GNAO1: variants seen among roughly 807,000 people sequenced by gnomAD.
GNAO1 encodes G protein subunit alpha o1.
For synonymous variants in GNAO1, 164 were observed against 180.7 expected (o/e 0.91, Z 0.74); for missense variants, 166 against 478.7 (o/e 0.35, Z 6.10).
At chr16:56,288,342 G>A (rs1385948101) in intron 3 of GNAO1, among the ~76,000 whole-genome samples, 1 of 152,208 alleles carries the variant, frequency 6.6e-6, no homozygotes, top group Non-Finnish European at 1.5e-5. Flanking sequence ...TGCTGAGGAC[G>A]GGGTATCTGA....
At chr16:56,193,210 CA>C (rs1218665634) in intron 2 of GNAO1, 1 of 153,794 alleles carries the variant, frequency 6.5e-6, no homozygotes, top group Non-Finnish European at 1.4e-5. Context: ...CCCTCCCCCG[CA>C]AAAAAAGAGG....
At chr16:56,274,371 C>T (rs1421003828) in intron 2 of GNAO1, among the ~76,000 whole-genome samples, 1 of 152,210 alleles carries the variant, frequency 6.6e-6, no homozygotes, top group African/African-American at 2.4e-5. Context: ...TATGTACTCC[C>T]TCAAGATACT....
At chr16:56,258,240 T>G (rs2143475852) in intron 2 of GNAO1, among the ~76,000 whole-genome samples, 1 of 152,308 alleles carries the variant, frequency 6.6e-6, no homozygotes, top group East Asian at 1.9e-4. Flanking sequence ...GGGTTCTGTT[T>G]TAGCTCCCAG....
chr16:56,232,521 A>C lies in GNAO1; in HGVS notation c.161+39905A>C, dbSNP rs1185828380. ...ACTTTAGCATATTAAAGCCTCTGAG[A>C]AGTTCTATAATTAACAAAAATCCAA... On this transcript the variant is annotated intron_variant, in intron 2 of 8. Coordinates refer to ENST00000262493, the MANE Select transcript of GNAO1 (RefSeq NM_020988.3). Among the ~76,000 whole-genome samples the C allele has an allele frequency of 2.6e-5, 4 of 152,204 alleles. No homozygotes were observed. In the East Asian group the frequency reaches 7.7e-4, roughly 29 times the overall value.
At chr16:56,285,779 A>C (rs1379306838) in intron 3 of GNAO1, among the ~76,000 whole-genome samples, 1 of 152,230 alleles carries the variant, frequency 6.6e-6, no homozygotes, top group South Asian at 2.1e-4. Context: ...TTGACAGTGC[A>C]GTGCTGGCCC....
chr16:56,307,673 C>T (rs1311602548), intron 3 of GNAO1: 1 of 152,248 alleles, frequency 6.6e-6, no homozygotes, highest in Non-Finnish European at 1.5e-5. Context: ...CACCCTGACA[C>T]TTCCCACAAG....
At chr16:56,355,741 GAGA>G (rs1383051351) in intron 8 of GNAO1, 1 of 152,052 alleles carries the variant, frequency 6.6e-6, no homozygotes, top group East Asian at 1.9e-4. Context: ...GCAAGAATCA[GAGA>G]ACAGGGAGAC....
intron 3 of GNAO1, chr16:56,303,048 G>C (rs2037360182): frequency 6.6e-6 from 1 of 152,204 alleles, no homozygotes; most frequent in Admixed American, 6.5e-5. Context: ...ACCATCTCTG[G>C]TTCTCTCCCC....
intron 2 of GNAO1, chr16:56,245,408 A>C (rs1047114639): frequency 6.5e-6 from 1 of 154,658 alleles, no homozygotes; most frequent in African/African-American, 2.4e-5. Flanking sequence ...GGCCAGTTAA[A>C]GGGTGGTGTG....
At chr16:56,277,291 A>G (rs1217743092) in intron 3 of GNAO1, among the ~76,000 whole-genome samples, 1 of 152,096 alleles carries the variant, frequency 6.6e-6, no homozygotes, top group Non-Finnish European at 1.5e-5. Context: ...CAAAGGAAGC[A>G]CTTCTTCCTG....
chr16:56,289,034 G>T (rs113403175), intron 3 of GNAO1, among the ~76,000 whole-genome samples: 2,373 of 73,204 alleles, frequency 0.032, 38 homozygotes, highest in South Asian at 0.11. Context: ...ATCCAAAAAA[G>T]GGGGGGGGAG....
Position 56,317,032 on chromosome 16 carries a change from A to G in GNAO1, c.304-11599A>G, listed in dbSNP as rs1039150614. On this transcript the variant is annotated intron_variant, in intron 3 of 8. Coordinates refer to ENST00000262493, the MANE Select transcript of GNAO1 (RefSeq NM_020988.3). ...TGGTTCTGGAAGGAACATAGTAAGCAGTTTCTGTCTAGGAAAAACCTGCTT... is the reference window on the plus strand; with the variant it reads ...TGGTTCTGGAAGGAACATAGTAAGCGGTTTCTGTCTAGGAAAAACCTGCTT... Among the ~76,000 whole-genome samples the G allele has an allele frequency of 2.6e-5, 4 of 152,248 alleles. No individual in the cohort carries two copies. The East Asian group carries it at 7.7e-4, about 29-fold the overall frequency.
chr16:56,289,823 G>A (rs1490087958), intron 3 of GNAO1, among the ~76,000 whole-genome samples: 3 of 152,090 alleles, frequency 2.0e-5, no homozygotes, highest in African/African-American at 7.2e-5. Flanking sequence ...GTACCATTGG[G>A]GTACCTGGAA....
chr16:56,285,444 G>C (rs2037157191), intron 3 of GNAO1, among the ~76,000 whole-genome samples: 1 of 152,050 alleles, frequency 6.6e-6, no homozygotes, highest in African/African-American at 2.4e-5. Context: ...AGGGGGAACT[G>C]ACCGCCTCCC....
At chr16:56,343,418 G>T (rs2037825680) in intron 6 of GNAO1, among the ~76,000 whole-genome samples, 1 of 150,218 alleles carries the variant, frequency 6.7e-6, no homozygotes, top group Non-Finnish European at 1.5e-5. Context: ...AGCCCAGGAG[G>T]TAGAGGCTGC....
chr16:56,264,150 T>C (rs1271125022), intron 2 of GNAO1, among the ~76,000 whole-genome samples: 1 of 152,228 alleles, frequency 6.6e-6, no homozygotes, highest in African/African-American at 2.4e-5. Flanking sequence ...TGAGAAGGAT[T>C]CTTCTGCCCT....
intron 3 of GNAO1, among the ~76,000 whole-genome samples, chr16:56,308,803 T>A (rs1365722960): frequency 1.3e-5 from 2 of 151,766 alleles, no homozygotes; most frequent in African/African-American, 4.8e-5. Flanking sequence ...CTGCGAGCCC[T>A]CATGGAGTGG....
At chr16:56,239,216 T>G (rs1202354510) in intron 2 of GNAO1, among the ~76,000 whole-genome samples, 1 of 152,192 alleles carries the variant, frequency 6.6e-6, no homozygotes, top group African/African-American at 2.4e-5. Context: ...AGTGCCCAGT[T>G]CATCAGCCAA....
intron 3 of GNAO1, among the ~76,000 whole-genome samples, chr16:56,283,515 T>C (rs774625454): frequency 6.6e-6 from 1 of 152,230 alleles, no homozygotes; most frequent in Non-Finnish European, 1.5e-5. Context: ...ACAATGGAGC[T>C]CAGGACACTA....
Sources: gnomAD v4.1 joint callset for allele counts (sites outside exome capture counted in the v4.1 genomes callset) on GRCh38, gnomAD v4.1.1 for gene constraint, MANE v1.5 for transcripts, NCBI Gene and HGNC (gene_info 2026-07-23, HGNC 2026-07-21) for gene names.